TNKS1BP1: variants seen among roughly 807,000 people sequenced by gnomAD.
TNKS1BP1 encodes CCR4-NOT transcription complex subunit 12.
A neutral mutation model predicts 141.1 loss-of-function variants in TNKS1BP1; 48 were observed. That is an observed-to-expected ratio of 0.34 (90% CI 0.27 to 0.43). TNKS1BP1 has a LOEUF of 0.43. TNKS1BP1 is among the 20% of genes least tolerant of loss of function. TNKS1BP1 has a pLI of 1.00. For synonymous variants in TNKS1BP1, 875 were observed against 898.2 expected, an observed-to-expected ratio of 0.97 and a Z score of 0.46; for missense variants, 2,149 against 2,226.0, an observed-to-expected ratio of 0.97 and a Z score of 0.70.
intron 4 of TNKS1BP1, 92 bp from the exon 5 acceptor site, chr11:57,313,981 T>C (rs910052487): frequency 2.3e-6 from 3 of 1,318,492 alleles, no homozygotes; most frequent in African/African-American, 3.1e-5. Flanking sequence ...CAGGTCAGCT[T>C]CTCCCAGGCT....
chr11:57,304,076 G>A lies in TNKS1BP1; in HGVS notation c.4317-1251C>T, dbSNP rs117395107. On this transcript the variant is annotated intron_variant, in intron 6 of 11. Coordinates refer to ENST00000358252, the MANE Select transcript of TNKS1BP1 (RefSeq NM_033396.3). ...TCGCACCCACCACATCTACAGGCAC[G>A]GCACAGAGCCACACCTGACACAAAC... Among the ~76,000 whole-genome samples, 179 of 152,028 alleles carry A rather than the reference G, an allele frequency of 1.2e-3. 4 individuals are homozygous for A. In the East Asian group the frequency reaches 0.03, roughly 26 times the overall value.
At chr11:57,312,460 G>A in intron 5 of TNKS1BP1, 74 bp downstream of exon 5, 2 of 1,379,298 alleles carry the variant, frequency 1.5e-6, no homozygotes, top group East Asian at 5.2e-5. Flanking sequence ...TAAAATCCAT[G>A]TTCAAAGAAT....
Position 57,313,297 on chromosome 11 carries a change from A to C in TNKS1BP1, c.1391T>G (p.Phe464Cys), listed in dbSNP as rs139625083. 3.1e-6 allele frequency: 5 copies of C among 1,612,994 alleles called. No homozygotes were observed. In the South Asian group the frequency reaches 4.4e-5, roughly 14 times the overall value. The change falls in exon 5 of 12, where the codon TTT becomes TGT. Residue 464 changes from phenylalanine (F) to cysteine (C), a missense_variant. By Grantham distance (205) the Phe-to-Cys change is radical. Coordinates refer to ENST00000358252, the MANE Select transcript of TNKS1BP1 (RefSeq NM_033396.3). ...QGSQLALDRP[F>C]GAESNWSLSQ... is the part of the protein sequence containing the mutation. ...TAAGCTCCAGTTGGACTCTGCCCCAAAGGGACGATCCAGGGCCAACTGGCT... is the reference window on the plus strand; with the variant it reads ...TAAGCTCCAGTTGGACTCTGCCCCACAGGGACGATCCAGGGCCAACTGGCT...
chr11:57,300,764 G>T, intron 10 of TNKS1BP1, 120 bp downstream of exon 10: 1 of 1,497,348 alleles, frequency 6.7e-7, no homozygotes, highest in Non-Finnish European at 9.1e-7. Context: ...TTCATCTGGG[G>T]CATGTCCGAC....
intron 5 of TNKS1BP1, among the ~76,000 whole-genome samples, chr11:57,311,665 C>G (rs1855714783): frequency 6.6e-6 from 1 of 152,248 alleles, no homozygotes; most frequent in South Asian, 2.1e-4. Context: ...TCCTGCAGCC[C>G]CGCCCCTTGC....
chr11:57,321,757 C>T, intron 2 of TNKS1BP1, 35 bp downstream of exon 2: 1 of 1,558,784 alleles, frequency 6.4e-7, no homozygotes, highest in Non-Finnish European at 8.7e-7. Context: ...CACCCCCCTC[C>T]CAGCCACCTG....
intron 6 of TNKS1BP1, among the ~76,000 whole-genome samples, chr11:57,305,883 C>A (rs1855602079): frequency 6.6e-6 from 1 of 152,198 alleles, no homozygotes; most frequent in Non-Finnish European, 1.5e-5. Flanking sequence ...AATCAGAACG[C>A]AAGCCTGGCA....
At chr11:57,324,524 G>A (rs937587460) in intron 1 of TNKS1BP1, among the ~76,000 whole-genome samples, 1 of 151,446 alleles carries the variant, frequency 6.6e-6, no homozygotes, top group Non-Finnish European at 1.5e-5. Flanking sequence ...GGAGGAAGGG[G>A]AGGCAGGGGT....
In TNKS1BP1 at chr11:57,308,385, C is replaced by T. The variant is rs1477420110; in HGVS notation, c.4316+10G>A. The T allele has an allele frequency of 5.0e-6, 8 of 1,602,922 alleles. No homozygotes were observed. The highest frequency in any genetic ancestry group is 1.7e-5 in the Admixed American group (1 of 59,246). On this transcript the variant is annotated intron_variant, in intron 6 of 11. Coordinates refer to ENST00000358252, the MANE Select transcript of TNKS1BP1 (RefSeq NM_033396.3). ...CCCTCCCACACTTGGGATGGGGCTC[C>T]GTTCATTACCTTGCTCCGAAGCTGA...
chr11:57,302,566 C>T lies in TNKS1BP1; in HGVS notation c.4576G>A (p.Gly1526Ser), dbSNP rs775250552. The change falls in exon 7 of 12, where the codon GGC (glycine) becomes AGC (serine). Residue 1526 changes from glycine (G) to serine (S), a missense_variant. Coordinates refer to ENST00000358252, the MANE Select transcript of TNKS1BP1 (RefSeq NM_033396.3). The surrounding 1 kb of genome is among the most constrained non-coding windows in gnomAD (Gnocchi z 5.5). The stretch of plus-strand genomic sequence containing the variant: ...TCGCTCCACCTGGCTGCTGAAGAGC[C>T]CCAGGTGCCATCCACGTCTTCTGTC... ...SQTEDVDGTW[G>S]SSAARWSDQG... 15 of 1,613,024 alleles carry T rather than the reference C, an allele frequency of 9.3e-6. No homozygotes were observed. The highest frequency in any genetic ancestry group is 1.2e-5 in the Non-Finnish European group (14 of 1,179,900).
intron 4 of TNKS1BP1, among the ~76,000 whole-genome samples, chr11:57,315,516 C>T (rs1198836459): frequency 6.6e-6 from 1 of 152,170 alleles, no homozygotes; most frequent in Admixed American, 6.5e-5. Flanking sequence ...TAAAAACACA[C>T]AATCGTGACA....
At chr11:57,322,508 C>T (rs1855904582) in intron 1 of TNKS1BP1, among the ~76,000 whole-genome samples, 1 of 152,228 alleles carries the variant, frequency 6.6e-6, no homozygotes, top group African/African-American at 2.4e-5. Flanking sequence ...ACTCTCTCCC[C>T]TCCCTCAGAA....
intron 6 of TNKS1BP1, among the ~76,000 whole-genome samples, chr11:57,307,925 C>G (rs1855637862): frequency 6.6e-6 from 1 of 152,208 alleles, no homozygotes; most frequent in Admixed American, 6.5e-5. Flanking sequence ...AGTACCTAAC[C>G]TCTTTGAGAA....
At chr11:57,306,419 T>C (rs145566800) in intron 6 of TNKS1BP1, among the ~76,000 whole-genome samples, 37 of 152,340 alleles carry the variant, frequency 2.4e-4, no homozygotes, top group Non-Finnish European at 3.4e-4. Context: ...AAGGTACTAA[T>C]ATATGCTAAT....
intron 1 of TNKS1BP1, 96 bp downstream of exon 1, chr11:57,324,744 G>A (rs1855941281): frequency 4.1e-6 from 4 of 973,246 alleles, no homozygotes; most frequent in Non-Finnish European, 3.7e-6. Context: ...CTCAACCCGA[G>A]GTGTCGGCTG....
chr11:57,322,996 A>G (rs1855911228), intron 1 of TNKS1BP1, among the ~76,000 whole-genome samples: 1 of 152,170 alleles, frequency 6.6e-6, no homozygotes, highest in Non-Finnish European at 1.5e-5. Flanking sequence ...GGGTGGGTCT[A>G]CCACTTTCTA....
rs761671389 is a variant in TNKS1BP1, at chr11:57,313,333, T to C, written c.1355A>G (p.Gln452Arg). The C allele has an allele frequency of 2.7e-5, 43 of 1,612,728 alleles. 1 individual carries two copies. The highest frequency in any genetic ancestry group is 3.6e-5 in the Non-Finnish European group (43 of 1,179,894). ...KLGGSLAALP[Q>R]GQGSQLALDR... ...CAGGGCCAACTGGCTCCCCTGGCCT[T>C]GGGGCAGGGCAGCCAGCGAGCCCCC... Residue 452 changes from glutamine (Q) to arginine (R), a missense_variant, in exon 5 of 12, where the codon CAA (glutamine) becomes CGA (arginine). Gln to Arg is a conservative substitution (Grantham distance 43). Transcript: ENST00000358252.
rs1428339426 is a variant in TNKS1BP1, at chr11:57,308,766, C to G, written c.3945G>C (p.Leu1315=). 4.3e-6 allele frequency: 7 copies of G among 1,614,052 alleles called. No individual in the cohort carries two copies. The highest frequency in any genetic ancestry group is 3.3e-5 in the Admixed American group (2 of 60,020). Residue 1315 remains leucine, a synonymous_variant, in exon 6 of 12, where the codon CTG becomes CTC. Coordinates refer to ENST00000358252, the MANE Select transcript of TNKS1BP1 (RefSeq NM_033396.3). ...GVGQMDWGNN[L]GLRDLEVTCD... The stretch of plus-strand genomic sequence containing the variant: ...AGGTCACCTCCAAATCCCTCAGGCC[C>G]AGATTGTTACCCCAGTCCATCTGGC...
intron 11 of TNKS1BP1, 86 bp downstream of exon 11, chr11:57,300,442 T>A (rs1032390419): frequency 8.0e-7 from 1 of 1,255,302 alleles, no homozygotes; most frequent in African/African-American, 1.5e-5. Flanking sequence ...GGGTGGGAGC[T>A]AAGGGACAGA....
Sources: gnomAD v4.1 joint callset for allele counts (sites outside exome capture counted in the v4.1 genomes callset) on GRCh38, gnomAD v4.1.1 for gene constraint, Gnocchi (gnomAD v3.1) non-coding constraint, MANE v1.5 for transcripts, NCBI Gene and HGNC (gene_info 2026-07-23, HGNC 2026-07-21) for gene names.